Variants in METTL15 observed in about 807,000 individuals in gnomAD.
METTL15 encodes the protein methyltransferase 15, mitochondrial 12S rRNA N4-cytidine.
A neutral mutation model predicts 38.3 loss-of-function variants in METTL15; 34 were observed. The observed-to-expected ratio is 0.89, with a 90% confidence interval of 0.68 to 1.18. The LOEUF (loss-of-function observed/expected upper bound fraction) is 1.18, where lower values mean the gene tolerates loss of function less well. METTL15 is among the 50% of genes most tolerant of loss of function. METTL15 has a pLI of 0.00. For synonymous variants in METTL15, 162 were observed against 170.9 expected, an observed-to-expected ratio of 0.95 and a Z score of 0.41; for missense variants, 438 against 498.4, an observed-to-expected ratio of 0.88 and a Z score of 1.15.
At chr11:28,203,279 C>T (rs893160072) in intron 3 of METTL15, among the ~76,000 whole-genome samples, 1 of 152,012 alleles carries the variant, frequency 6.6e-6, no homozygotes, top group African/African-American at 2.4e-5. Flanking sequence ...AGTCAGTCTT[C>T]ATCAGTAACT....
chr11:28,294,165 C>T (rs1856639072), intron 5 of METTL15, among the ~76,000 whole-genome samples: 1 of 152,136 alleles, frequency 6.6e-6, no homozygotes, highest in Admixed American at 6.5e-5. Context: ...CAGGTTTGCC[C>T]ATTCAGTATG....
At chr11:28,326,086 G>C (rs1849625933) in intron 6 of METTL15, among the ~76,000 whole-genome samples, 1 of 152,278 alleles carries the variant, frequency 6.6e-6, no homozygotes, top group East Asian at 1.9e-4. Flanking sequence ...ATTAGACTCT[G>C]TGGTGAAACT....
intron 6 of METTL15, among the ~76,000 whole-genome samples, chr11:28,509,807 C>T (rs923003777): frequency 1.3e-5 from 2 of 152,164 alleles, no homozygotes; most frequent in African/African-American, 4.8e-5. Flanking sequence ...TTATGGGGAG[C>T]TCATTGCATT....
At chr11:28,113,268 A>G in intron 2 of METTL15, 50 bp from the exon 3 acceptor site, 1 of 1,270,054 alleles carries the variant, frequency 7.9e-7, no homozygotes, top group Non-Finnish European at 1.1e-6. Flanking sequence ...CAAGTATTAG[A>G]ACATTCTTTT....
intron 6 of METTL15, among the ~76,000 whole-genome samples, chr11:28,302,006 T>C (rs1390243373): frequency 1.3e-5 from 2 of 152,088 alleles, no homozygotes; most frequent in Non-Finnish European, 1.5e-5. Flanking sequence ...GCTGTGAGGA[T>C]CAAGCTGTCC....
chr11:28,285,854 T>C (rs984714692), intron 4 of METTL15, among the ~76,000 whole-genome samples: 1 of 152,134 alleles, frequency 6.6e-6, no homozygotes, highest in Admixed American at 6.6e-5. Flanking sequence ...TTCTTTCCCC[T>C]GACCCCAGGA....
At chr11:28,347,218 C>A (rs1487519310) in intron 3 of METTL15, among the ~76,000 whole-genome samples, 1 of 152,182 alleles carries the variant, frequency 6.6e-6, no homozygotes, top group African/African-American at 2.4e-5. Flanking sequence ...GAAGTGCAGT[C>A]TTGTGTTGCC....
rs1849821002 is a variant in METTL15, at chr11:28,331,708, T to A, written c.*867T>A. 6.6e-6 allele frequency: 1 copy of A among 152,198 alleles called. No individual in the cohort carries two copies. The highest frequency in any genetic ancestry group is 1.5e-5 in the Non-Finnish European group (1 of 68,014). 9.4% of individuals were successfully genotyped at this position (152,198 alleles called of 1,614,324 possible). A position where few individuals can be genotyped will look rare whatever the true frequency, so the allele number is the denominator to read the frequency against. On this transcript the variant is annotated 3_prime_UTR_variant, in exon 7 of 7. Transcript: ENST00000407364. ...TTACAAAGATATGGTAACTGTAATATGGGTAAAAGTTTATTCAAGAAAAGA... is the reference window on the plus strand; with the variant it reads ...TTACAAAGATATGGTAACTGTAATAAGGGTAAAAGTTTATTCAAGAAAAGA...
intron 6 of METTL15, among the ~76,000 whole-genome samples, chr11:28,496,883 C>G (rs1001853447): frequency 1.3e-5 from 2 of 152,176 alleles, no homozygotes; most frequent in Non-Finnish European, 2.9e-5. Context: ...TCCAGTCTTT[C>G]CTAGCCAAAT....
At chr11:28,124,286 A>G (rs915969301) in intron 3 of METTL15, among the ~76,000 whole-genome samples, 9 of 152,052 alleles carry the variant, frequency 5.9e-5, no homozygotes, top group Non-Finnish European at 8.8e-5. Flanking sequence ...TAGGACAGCT[A>G]TTTGGCCTAA....
chr11:28,437,442 T>A (rs1454958039), intron 6 of METTL15, among the ~76,000 whole-genome samples: 2 of 152,204 alleles, frequency 1.3e-5, no homozygotes, highest in East Asian at 3.9e-4. Context: ...GGATGCAACA[T>A]GGACGAAATT....
chr11:28,194,628 T>C (rs898300746), intron 3 of METTL15, among the ~76,000 whole-genome samples: 1 of 151,980 alleles, frequency 6.6e-6, no homozygotes, highest in East Asian at 1.9e-4. Flanking sequence ...ATATCTTTGT[T>C]GAAAAAGAAA....
chr11:28,372,632 A>G (rs1172216206), intron 5 of METTL15, among the ~76,000 whole-genome samples: 1 of 148,508 alleles, frequency 6.7e-6, no homozygotes, highest in African/African-American at 2.5e-5. Context: ...TTTTTTTATT[A>G]TTATACTTTA....
chr11:28,399,552 A>G (rs77283865), intron 5 of METTL15, among the ~76,000 whole-genome samples: 2,759 of 152,078 alleles, frequency 0.018, 31 homozygotes, highest in South Asian at 0.033. Context: ...CATAGCACAT[A>G]TATTAGAATA....
At chr11:28,113,992 C>T (rs963618418) in intron 3 of METTL15, among the ~76,000 whole-genome samples, 3 of 152,142 alleles carry the variant, frequency 2.0e-5, no homozygotes, top group Non-Finnish European at 2.9e-5. Flanking sequence ...ATGGTGTTTT[C>T]AACTAATGAA....
intron 3 of METTL15, among the ~76,000 whole-genome samples, chr11:28,147,715 C>T (rs989965517): frequency 1.3e-5 from 2 of 151,774 alleles, no homozygotes; most frequent in Non-Finnish European, 2.9e-5. Flanking sequence ...GTTTTAAAAA[C>T]ACAGCATAAT....
chr11:28,230,937 A>G (rs1250204895), intron 4 of METTL15, among the ~76,000 whole-genome samples: 1 of 151,928 alleles, frequency 6.6e-6, no homozygotes, highest in Admixed American at 6.6e-5. Context: ...GTACCACAAG[A>G]TAAAGCTCAT....
intron 3 of METTL15, among the ~76,000 whole-genome samples, chr11:28,138,991 A>AG (rs1849607908): frequency 1.3e-5 from 2 of 152,196 alleles, no homozygotes; most frequent in South Asian, 2.1e-4. Context: ...GACTTCACAG[A>AG]GGACACAAAC....
chr11:28,471,883 G>A (rs867600089), intron 6 of METTL15, among the ~76,000 whole-genome samples: 31 of 152,138 alleles, frequency 2.0e-4, no homozygotes, highest in African/African-American at 7.2e-5. Flanking sequence ...CATTCTCTGT[G>A]GGGGGAAAAA....
Sources: allele counts gnomAD v4.1 joint callset (sites outside exome capture counted in the v4.1 genomes callset), GRCh38; gene constraint gnomAD v4.1.1; transcripts MANE v1.5; gene names NCBI Gene and HGNC (gene_info 2026-07-23, HGNC 2026-07-21).